The following ARHGAP44 variants were observed in gnomAD, a reference collection of about 807,000 sequenced individuals.
The protein encoded by ARHGAP44 is rho GTPase-activating protein 44.
In ARHGAP44, 43 loss-of-function variants were observed where a neutral mutation model predicts 106.8. The ratio of observed to expected loss-of-function variants is 0.40; its 90% CI spans 0.32 to 0.52. The LOEUF is 0.52. Ranked by LOEUF, ARHGAP44 falls within the 20% of genes least tolerant of loss-of-function variation. The pLI is 0.48. For missense variants in ARHGAP44, 866 were observed against 1,050.5 expected (o/e 0.82, Z 2.43); for synonymous variants, 439 against 410.3 (o/e 1.07, Z -0.85).
chr17:12,883,387 A>G (rs180919173), intron 1 of ARHGAP44, among the ~76,000 whole-genome samples: 3 of 149,136 alleles, frequency 2.0e-5, no homozygotes, highest in Admixed American at 2.0e-4. Flanking sequence ...TTCTTTTTTT[A>G]TTGTTTTTTC....
At chr17:12,843,475 T>A (rs537483242) in intron 1 of ARHGAP44, among the ~76,000 whole-genome samples, 2 of 152,310 alleles carry the variant, frequency 1.3e-5, no homozygotes, top group East Asian at 3.9e-4. Flanking sequence ...TCTTATCTGC[T>A]GATTTTGGCA....
At chr17:12,879,220 G>A (rs970965095) in intron 1 of ARHGAP44, among the ~76,000 whole-genome samples, 10 of 152,136 alleles carry the variant, frequency 6.6e-5, no homozygotes, top group African/African-American at 1.9e-4. Context: ...GAGAACACAC[G>A]ATGTTTGGTT....
intron 1 of ARHGAP44, among the ~76,000 whole-genome samples, chr17:12,794,079 C>T (rs1293080330): frequency 6.6e-6 from 1 of 152,118 alleles, no homozygotes; most frequent in Non-Finnish European, 1.5e-5. Context: ...TTGGTTCTTG[C>T]CTGATTGATG....
rs752493449 is a variant in ARHGAP44, at chr17:12,955,909, T to C, written c.1179T>C (p.Asp393=). Residue 393 remains aspartate (D), a synonymous_variant, in exon 14 of 21, where the codon GAT becomes GAC. Coordinates refer to ENST00000379672, the MANE Select transcript of ARHGAP44 (RefSeq NM_014859.6). ...TATCCAAGCTGTCAGAATATCAAGA[T>C]GTAAACAAGATGACTCCCAGTAATA... ...KFLSKLSEYQ[D]VNKMTPSNMA... 1.1e-5 allele frequency: 17 copies of C among 1,613,678 alleles called. No homozygotes were observed. In the East Asian group the frequency reaches 3.3e-4, roughly 32 times the overall value.
At chr17:12,832,160 TC>T (rs1567637329) in intron 1 of ARHGAP44, among the ~76,000 whole-genome samples, 1 of 152,214 alleles carries the variant, frequency 6.6e-6, no homozygotes, top group Non-Finnish European at 1.5e-5. Flanking sequence ...TTATTATTAC[TC>T]AAATCAGTCT....
intron 1 of ARHGAP44, among the ~76,000 whole-genome samples, chr17:12,849,601 C>CTTCAGCGTT (rs2035682140): frequency 1.3e-5 from 1 of 76,058 alleles, no homozygotes; most frequent in African/African-American, 6.8e-5. Context: ...TTTTGCTTGG[C>CTTCAGCGTT]TTCAGCGTTT....
At chr17:12,802,678 G>C (rs2034129414) in intron 1 of ARHGAP44, among the ~76,000 whole-genome samples, 1 of 150,076 alleles carries the variant, frequency 6.7e-6, no homozygotes. Flanking sequence ...ACCCCACCTT[G>C]ATCGATTTGC....
intron 6 of ARHGAP44, among the ~76,000 whole-genome samples, chr17:12,923,139 A>C (rs1376203409): frequency 6.6e-6 from 1 of 152,108 alleles, no homozygotes; most frequent in East Asian, 1.9e-4. Flanking sequence ...CCTTTATCAC[A>C]TCGGTGATTT....
At chr17:12,891,991 T>C (rs1295354524) in intron 1 of ARHGAP44, among the ~76,000 whole-genome samples, 1 of 152,190 alleles carries the variant, frequency 6.6e-6, no homozygotes, top group Non-Finnish European at 1.5e-5. Context: ...GAGATGGCCA[T>C]GTTGGCCAGG....
At chr17:12,924,360 G>A (rs1334474310) in intron 6 of ARHGAP44, among the ~76,000 whole-genome samples, 1 of 152,222 alleles carries the variant, frequency 6.6e-6, no homozygotes, top group Admixed American at 6.5e-5. Flanking sequence ...TGAATTAAAG[G>A]TTGTGAATTG....
At chr17:12,989,101 CAAAA>C (rs71144942) in intron 20 of ARHGAP44, among the ~76,000 whole-genome samples, 9 of 45,158 alleles carry the variant, frequency 2.0e-4, no homozygotes, top group East Asian at 1.9e-3. Flanking sequence ...CCACCCCCCC[CAAAA>C]AAAAAAAAAA....
At chr17:12,979,377 A>G (rs1409836674) in intron 18 of ARHGAP44, among the ~76,000 whole-genome samples, 1 of 152,064 alleles carries the variant, frequency 6.6e-6, no homozygotes, top group Admixed American at 6.5e-5. Context: ...CTCATTGTCA[A>G]TTCCAGAGGT....
At chr17:12,989,991 G>A (rs756349652) in intron 20 of ARHGAP44, 41 bp from the exon 21 acceptor site, 1 of 1,587,894 alleles carries the variant, frequency 6.3e-7, no homozygotes, top group Non-Finnish European at 8.6e-7. Context: ...CATTTGCCGG[G>A]AAGCCTCCTT....
chr17:12,870,778 C>A (rs1302369496), intron 1 of ARHGAP44, among the ~76,000 whole-genome samples: 3 of 152,220 alleles, frequency 2.0e-5, no homozygotes, highest in Non-Finnish European at 4.4e-5. Flanking sequence ...CATTATACCA[C>A]CCACTTTCTC....
chr17:12,969,797 C>T (rs185770512), intron 16 of ARHGAP44, among the ~76,000 whole-genome samples: 240 of 152,284 alleles, frequency 1.6e-3, no homozygotes, highest in Middle Eastern at 6.8e-3. Context: ...ATGCTAAATA[C>T]ATCTCAGCAC....
chr17:12,861,644 C>CTTTTTTT lies in ARHGAP44; in HGVS notation c.54-33288_54-33282dup, dbSNP rs71144930. 1.1e-3 allele frequency among the ~76,000 whole-genome samples: 77 copies of CTTTTTTT among 67,754 alleles called. 16 individuals are homozygous for CTTTTTTT. The highest frequency in any genetic ancestry group is 9.8e-3 in the Admixed American group (43 of 4,378). The allele number at this position is 67,754 out of a possible 152,430, so 44.4% of individuals were successfully genotyped here. ...AATTCCTCTTCTGCCTCCTCTTCCA[C>CTTTTTTT]TTTTTTTTTTTTTTGAGATGGAATC... On this transcript the variant is annotated intron_variant, in intron 1 of 20. Transcript: ENST00000379672.
rs932607658 is a variant in ARHGAP44 at position 12,949,427 on chromosome 17, C to T, written c.973+176C>T. On this transcript the variant is annotated intron_variant, in intron 11 of 20. Transcript: ENST00000379672. The surrounding 1 kb of genome is among the most constrained non-coding windows in gnomAD (Gnocchi z 4.1). ...GTGCTCTGGCCCCTTGAAGGAAGGC[C>T]TCCCCGCATGCCAAGGGAAGACGAG... 6.6e-6 allele frequency among the ~76,000 whole-genome samples: 1 copy of T among 152,194 alleles called. No homozygotes were observed. Among genetic ancestry groups the T allele is most frequent in the Non-Finnish European group, 1.5e-5 (1 of 68,044 alleles).
intron 12 of ARHGAP44, among the ~76,000 whole-genome samples, 178 bp from the exon 13 acceptor site, chr17:12,952,323 A>C (rs1162563236): frequency 6.6e-6 from 1 of 152,196 alleles, no homozygotes; most frequent in African/African-American, 2.4e-5. Context: ...CGCACAGGAC[A>C]AGACAGAAGG....
At chr17:12,839,622 A>T (rs993881903) in intron 1 of ARHGAP44, among the ~76,000 whole-genome samples, 3 of 152,154 alleles carry the variant, frequency 2.0e-5, no homozygotes, top group Admixed American at 1.3e-4. Flanking sequence ...TGCAAACCAG[A>T]TGAGTGGAAA....
Sources: gnomAD v4.1 joint callset for allele counts (sites outside exome capture counted in the v4.1 genomes callset) on GRCh38, gnomAD v4.1.1 for gene constraint, Gnocchi (gnomAD v3.1) non-coding constraint, MANE v1.5 for transcripts, NCBI Gene and HGNC (gene_info 2026-07-23, HGNC 2026-07-21) for gene names.